The following CMBL variants were observed in gnomAD, a reference collection of about 807,000 sequenced individuals.
The protein encoded by CMBL is carboxymethylenebutenolidase homolog (Pseudomonas).
A neutral mutation model predicts 28.7 loss-of-function variants in CMBL; 17 were observed. The ratio of observed to expected loss-of-function variants is 0.59; its 90% confidence interval spans 0.41 to 0.89. The LOEUF (loss-of-function observed/expected upper bound fraction) is 0.89. Among genes scored for constraint, CMBL ranks in the 40% least tolerant of loss-of-function variants. CMBL has a pLI of 0.00. For synonymous variants in CMBL, 106 were observed against 101.6 expected (o/e 1.04, Z -0.26); for missense variants, 310 against 298.5 (o/e 1.04, Z -0.28).
intron 1 of CMBL, among the ~76,000 whole-genome samples, chr5:10,294,397 CA>C (rs879449772): frequency 2.5e-3 from 383 of 150,540 alleles, no homozygotes; most frequent in African/African-American, 9.0e-3. Context: ...CCCATATCTG[CA>C]AAAAAAAATT....
At chr5:10,291,126 G>C (rs1410690790) in intron 1 of CMBL, among the ~76,000 whole-genome samples, 1 of 152,098 alleles carries the variant, frequency 6.6e-6, no homozygotes, top group African/African-American at 2.4e-5. Flanking sequence ...TGGGGGACAG[G>C]ACCCGACTCA....
At chr5:10,290,485 G>A in intron 2 of CMBL, 63 bp downstream of exon 2, 8 of 1,419,494 alleles carry the variant, frequency 5.6e-6, no homozygotes, top group Non-Finnish European at 7.9e-6. Context: ...TTTTTTAAAG[G>A]GAACAAAATA....
At chr5:10,297,017 T>C (rs1400194171) in intron 1 of CMBL, among the ~76,000 whole-genome samples, 4 of 151,960 alleles carry the variant, frequency 2.6e-5, no homozygotes, top group Non-Finnish European at 4.4e-5. Context: ...AAAACCCGTC[T>C]CTACTAAAAA....
In CMBL at chr5:10,280,544, T is replaced by C. The variant is rs1369695933; in HGVS notation, c.647A>G (p.His216Arg). 2.5e-6 allele frequency: 4 copies of C among 1,614,060 alleles called. No homozygotes were observed. The highest frequency in any genetic ancestry group is 2.5e-6 in the Non-Finnish European group (3 of 1,179,900). Reference sequence around the variant, plus strand: ...AGGTGAGCAATCTTCTCTCTTCCGATGCACGAACCCATGAGTCTGCCCAGA... The same window carrying C: ...AGGTGAGCAATCTTCTCTCTTCCGACGCACGAACCCATGAGTCTGCCCAGA... ...TFSGQTHGFV[H>R]RKREDCSPAD... Residue 216 changes from histidine (H) to arginine (R), a missense_variant, in exon 6 of 6, where the codon CAT (histidine) becomes CGT (arginine). Transcript: ENST00000296658.
intron 1 of CMBL, among the ~76,000 whole-genome samples, chr5:10,303,183 C>T (rs533679026): frequency 6.6e-6 from 1 of 152,322 alleles, no homozygotes; most frequent in East Asian, 1.9e-4. Flanking sequence ...ACCACCCTGA[C>T]CCTGCCATCC....
chr5:10,282,551 G>A (rs948687065), intron 4 of CMBL, among the ~76,000 whole-genome samples: 18 of 152,198 alleles, frequency 1.2e-4, no homozygotes, highest in Admixed American at 9.8e-4. Flanking sequence ...GAGAGGCTGA[G>A]GCAGGTGGAT....
intron 4 of CMBL, among the ~76,000 whole-genome samples, chr5:10,283,059 C>T (rs1464803817): frequency 2.0e-5 from 3 of 146,422 alleles, no homozygotes; most frequent in Non-Finnish European, 4.5e-5. Context: ...CATTGCACTC[C>T]AGCTCTGGGC....
chr5:10,296,910 C>T (rs1274247393), intron 1 of CMBL, among the ~76,000 whole-genome samples: 1 of 152,134 alleles, frequency 6.6e-6, no homozygotes, highest in Non-Finnish European at 1.5e-5. Flanking sequence ...GGAGACTGGG[C>T]GCGGTGGCTC....
intron 4 of CMBL, among the ~76,000 whole-genome samples, chr5:10,283,343 A>G (rs1277029929): frequency 1.3e-5 from 2 of 152,162 alleles, no homozygotes; most frequent in African/African-American, 2.4e-5. Flanking sequence ...CACAAGTCCC[A>G]CGGGTTCTGG....
chr5:10,294,005 C>T (rs537729557), intron 1 of CMBL, among the ~76,000 whole-genome samples: 41 of 152,208 alleles, frequency 2.7e-4, no homozygotes, highest in Middle Eastern at 3.4e-3. Context: ...ACCATTTGGG[C>T]AAAGGAGGCG....
intron 4 of CMBL, among the ~76,000 whole-genome samples, chr5:10,285,096 T>A (rs1465059596): frequency 6.6e-6 from 1 of 152,118 alleles, no homozygotes; most frequent in Non-Finnish European, 1.5e-5. Context: ...CTCAAACTTC[T>A]GGGCTCAAGT....
chr5:10,290,426 A>T, intron 2 of CMBL, 122 bp downstream of exon 2: 1 of 754,386 alleles, frequency 1.3e-6, no homozygotes, highest in Admixed American at 2.4e-5. Context: ...GAGATAGGGA[A>T]GTTTCTAATG....
chr5:10,294,315 C>T (rs1041255067), intron 1 of CMBL, among the ~76,000 whole-genome samples: 1 of 152,118 alleles, frequency 6.6e-6, no homozygotes, highest in Non-Finnish European at 1.5e-5. Context: ...TGGCTCATGC[C>T]TGTAATCTCA....
At chr5:10,293,987 G>A (rs139511036) in intron 1 of CMBL, among the ~76,000 whole-genome samples, 196 of 152,326 alleles carry the variant, frequency 1.3e-3, no homozygotes, top group African/African-American at 4.4e-3. Context: ...ACAGCTTGTT[G>A]GAAAGGCACC....
At chr5:10,300,724 C>T (rs1002095009) in intron 1 of CMBL, among the ~76,000 whole-genome samples, 3 of 151,914 alleles carry the variant, frequency 2.0e-5, no homozygotes, top group African/African-American at 7.2e-5. Context: ...CACTTGAACC[C>T]AAGAATTCAA....
At chr5:10,293,932 G>T (rs150525779) in intron 1 of CMBL, among the ~76,000 whole-genome samples, 1 of 152,246 alleles carries the variant, frequency 6.6e-6, no homozygotes, top group Non-Finnish European at 1.5e-5. Context: ...AGAAGACAAT[G>T]TTGGTTGAGG....
intron 1 of CMBL, among the ~76,000 whole-genome samples, chr5:10,298,889 T>C (rs1429589562): frequency 1.3e-5 from 2 of 152,036 alleles, no homozygotes; most frequent in African/African-American, 4.8e-5. Context: ...CAAGACTCCA[T>C]CTCAAAAAAC....
rs1021616835 is a variant in CMBL, at chr5:10,289,585, G to C, written c.215+963C>G. On this transcript the variant is annotated intron_variant, in intron 2 of 5. Coordinates refer to ENST00000296658, the MANE Select transcript of CMBL (RefSeq NM_138809.4). This position sits in a 1 kb window ranked among gnomAD's most constrained non-coding sequence, Gnocchi z 4.3. The stretch of plus-strand genomic sequence containing the variant: ...AGCTCCTCCCTCAAGGGGCTGCCAG[G>C]AGGACTAAGGGCAATGAGCCCAGTC... 6.6e-6 allele frequency among the ~76,000 whole-genome samples: 1 copy of C among 152,190 alleles called. No homozygotes were observed. The highest frequency in any genetic ancestry group is 1.5e-5 in the Non-Finnish European group (1 of 68,028).
rs1045270232 is a variant in CMBL at position 10,289,505 on chromosome 5, G to A, written c.216-976C>T. ...CTTGGGCCAGTGATCTGGGGCAGCC[G>A]CAAAGCGCTCTCTTTATGGCCTGGT... is the stretch of plus-strand genomic sequence containing the variant. On this transcript the variant is annotated intron_variant, in intron 2 of 5. Transcript: ENST00000296658. The surrounding 1 kb of genome is among the most constrained non-coding windows in gnomAD (Gnocchi z 4.3). 4.6e-5 allele frequency among the ~76,000 whole-genome samples: 7 copies of A among 152,294 alleles called. No homozygotes were observed. The highest frequency in any genetic ancestry group is 3.4e-3 in the Middle Eastern group (1 of 294).
Sources: gnomAD v4.1 joint callset for allele counts (sites outside exome capture counted in the v4.1 genomes callset) on GRCh38, gnomAD v4.1.1 for gene constraint, Gnocchi (gnomAD v3.1) non-coding constraint, MANE v1.5 for transcripts, NCBI Gene and HGNC (gene_info 2026-07-23, HGNC 2026-07-21) for gene names.